The following CBFA2T2 variants were observed in gnomAD, a reference collection of about 807,000 sequenced individuals.
CBFA2T2 encodes the protein protein CBFA2T2.
In CBFA2T2, 11 loss-of-function variants were observed where a neutral mutation model predicts 62.2. The observed-to-expected ratio is 0.18, with a 90% CI of 0.11 to 0.29. The LOEUF is 0.29. Among genes scored for constraint, CBFA2T2 ranks in the 10% least tolerant of loss-of-function variants. The probability of loss-of-function intolerance (pLI) is 1.00; values close to 1 mark genes in which losing one functional copy is unlikely to be tolerated. For missense variants in CBFA2T2, 592 were observed against 774.1 expected (o/e 0.76, Z 2.79); for synonymous variants, 295 against 287.5 (o/e 1.03, Z -0.27).
At chr20:33,562,080 A>G (rs1290242827) in intron 1 of CBFA2T2, among the ~76,000 whole-genome samples, 3 of 152,248 alleles carry the variant, frequency 2.0e-5, no homozygotes, top group Admixed American at 2.0e-4. Flanking sequence ...CAGACAGTAT[A>G]TAGGACTTTA....
intron 1 of CBFA2T2, among the ~76,000 whole-genome samples, chr20:33,525,844 A>C (rs2146865370): frequency 6.6e-6 from 1 of 152,038 alleles, no homozygotes; most frequent in African/African-American, 2.4e-5. Context: ...TGTAGAGATG[A>C]AGTCTCACTT....
At chr20:33,565,112 T>C (rs1007333554) in intron 1 of CBFA2T2, among the ~76,000 whole-genome samples, 1 of 151,840 alleles carries the variant, frequency 6.6e-6, no homozygotes, top group African/African-American at 2.4e-5. Flanking sequence ...GTAGAGACGG[T>C]GTTTCACCGT....
chr20:33,628,511 C>A, intron 7 of CBFA2T2, 76 bp downstream of exon 7: 1 of 1,000,536 alleles, frequency 1.0e-6, no homozygotes, highest in Non-Finnish European at 1.6e-6. Flanking sequence ...CTCTGTCACC[C>A]AGGATGGAGT....
intron 1 of CBFA2T2, among the ~76,000 whole-genome samples, chr20:33,554,182 G>A (rs147282297): frequency 1.3e-5 from 2 of 151,864 alleles, no homozygotes; most frequent in East Asian, 3.9e-4. Context: ...CAGAACTTCT[G>A]TGCAAGTAAG....
At chr20:33,536,302 AC>A (rs1232155875) in intron 1 of CBFA2T2, among the ~76,000 whole-genome samples, 21 of 120,504 alleles carry the variant, frequency 1.7e-4, no homozygotes, top group South Asian at 5.5e-4. Context: ...CGGGGGGCTG[AC>A]CCCCCCCACC....
At chr20:33,630,997 T>C (rs755599032) in intron 8 of CBFA2T2, among the ~76,000 whole-genome samples, 5 of 152,154 alleles carry the variant, frequency 3.3e-5, no homozygotes, top group Admixed American at 2.6e-4. Flanking sequence ...TGTAGAGTTA[T>C]ATAGTATGAT....
intron 1 of CBFA2T2, among the ~76,000 whole-genome samples, chr20:33,557,514 A>G (rs1416419560): frequency 1.4e-5 from 2 of 145,134 alleles, no homozygotes; most frequent in Non-Finnish European, 3.1e-5. Flanking sequence ...CTATGTCTAT[A>G]TATTTTTTGA....
chr20:33,514,451 C>T (rs367914333), intron 1 of CBFA2T2, among the ~76,000 whole-genome samples: 2 of 151,410 alleles, frequency 1.3e-5, no homozygotes, highest in Non-Finnish European at 2.9e-5. Context: ...AAGGTAATAG[C>T]GGGTGTTGAG....
At chr20:33,568,227 C>T (rs1340351911) in intron 1 of CBFA2T2, among the ~76,000 whole-genome samples, 1 of 152,174 alleles carries the variant, frequency 6.6e-6, no homozygotes, top group Non-Finnish European at 1.5e-5. Flanking sequence ...CATCAGCACT[C>T]AATAAGATTT....
chr20:33,582,810 C>T (rs1834243077), intron 1 of CBFA2T2, among the ~76,000 whole-genome samples: 1 of 152,128 alleles, frequency 6.6e-6, no homozygotes, highest in Admixed American at 6.5e-5. Context: ...GGTGTGGTAG[C>T]ACGTGCCTGT....
intron 1 of CBFA2T2, among the ~76,000 whole-genome samples, chr20:33,528,260 A>G (rs2011943448): frequency 6.6e-6 from 1 of 152,246 alleles, no homozygotes; most frequent in Non-Finnish European, 1.5e-5. Context: ...GTCTTAAGAA[A>G]CTTGATAGCT....
chr20:33,612,610 C>T (rs2015570681), intron 3 of CBFA2T2, among the ~76,000 whole-genome samples: 1 of 152,168 alleles, frequency 6.6e-6, no homozygotes, highest in Admixed American at 6.5e-5. Flanking sequence ...CAGTGCTGCT[C>T]TTCTTACTGC....
At chr20:33,506,506 C>T (rs2011406343) in intron 1 of CBFA2T2, among the ~76,000 whole-genome samples, 4 of 152,142 alleles carry the variant, frequency 2.6e-5, no homozygotes, top group Admixed American at 2.6e-4. Context: ...AGGGATTGCG[C>T]TAAGTGCCAT....
At chr20:33,619,371 C>T (rs1031774114) in intron 3 of CBFA2T2, 146 bp from the exon 4 acceptor site, 12 of 445,520 alleles carry the variant, frequency 2.7e-5, no homozygotes, top group East Asian at 7.4e-5. Context: ...CGCGCCACTG[C>T]GCTCTGGCCT....
At chr20:33,496,468 A>T (rs571993348) in intron 1 of CBFA2T2, among the ~76,000 whole-genome samples, 8 of 152,178 alleles carry the variant, frequency 5.3e-5, no homozygotes, top group Non-Finnish European at 1.2e-4. Flanking sequence ...GGTTTTGACA[A>T]TGTTTGCATT....
intron 1 of CBFA2T2, among the ~76,000 whole-genome samples, chr20:33,587,825 G>A (rs955846635): frequency 2.0e-5 from 3 of 152,124 alleles, no homozygotes; most frequent in Admixed American, 1.3e-4. Context: ...GGGCTGTTTT[G>A]GCATTTAAAG....
intron 1 of CBFA2T2, among the ~76,000 whole-genome samples, chr20:33,599,813 T>G (rs140508388): frequency 0.013 from 1,996 of 152,218 alleles, 38 homozygotes; most frequent in African/African-American, 0.046. Context: ...AGGCTGGTCT[T>G]GAACTCCTGA....
At chr20:33,602,426 C>T (rs2015173976) in intron 1 of CBFA2T2, among the ~76,000 whole-genome samples, 1 of 141,030 alleles carries the variant, frequency 7.1e-6, no homozygotes, top group Non-Finnish European at 1.5e-5. Context: ...TGCTCTCTGC[C>T]AGTCTCTGAT....
intron 1 of CBFA2T2, among the ~76,000 whole-genome samples, chr20:33,600,931 G>A (rs193258018): frequency 4.3e-4 from 65 of 151,932 alleles, no homozygotes; most frequent in East Asian, 1.5e-3. Flanking sequence ...ATGAACTATG[G>A]TACCTCCTCA....
Sources: allele counts gnomAD v4.1 joint callset (sites outside exome capture counted in the v4.1 genomes callset), GRCh38; gene constraint gnomAD v4.1.1; transcripts MANE v1.5; gene names NCBI Gene and HGNC (gene_info 2026-07-23, HGNC 2026-07-21).